Variants in PRKCE observed in about 807,000 individuals in gnomAD.
PRKCE encodes the protein protein kinase C epsilon type.
In PRKCE, 16 loss-of-function variants were observed where a neutral mutation model predicts 85.4. That is an observed-to-expected ratio of 0.19 (90% CI 0.13 to 0.28). The LOEUF (loss-of-function observed/expected upper bound fraction) is 0.28. PRKCE is among the 10% of genes least tolerant of loss of function. PRKCE has a pLI of 1.00. For missense variants in PRKCE, 573 were observed against 975.2 expected, an observed-to-expected ratio of 0.59 and a Z score of 5.49; for synonymous variants, 388 against 371.5, an observed-to-expected ratio of 1.04 and a Z score of -0.51.
intron 1 of PRKCE, among the ~76,000 whole-genome samples, chr2:45,670,961 G>T (rs1287762534): frequency 1.3e-5 from 2 of 152,184 alleles, no homozygotes; most frequent in African/African-American, 4.8e-5. Context: ...TCAGATAGTG[G>T]TGCTTCAGGG....
At chr2:45,785,850 C>G (rs569290604) in intron 1 of PRKCE, among the ~76,000 whole-genome samples, 114 of 152,284 alleles carry the variant, frequency 7.5e-4, no homozygotes, top group Non-Finnish European at 1.3e-3. Context: ...CACCAGGAGG[C>G]CAAACTCGAA....
chr2:45,687,989 G>A (rs1428392042), intron 1 of PRKCE, among the ~76,000 whole-genome samples: 2 of 152,218 alleles, frequency 1.3e-5, no homozygotes, highest in African/African-American at 2.4e-5. Flanking sequence ...CCCAGAAGAT[G>A]TGCTCCTCCC....
chr2:46,090,391 T>C (rs970706470), intron 11 of PRKCE, among the ~76,000 whole-genome samples: 2 of 152,148 alleles, frequency 1.3e-5, no homozygotes, highest in Non-Finnish European at 2.9e-5. Context: ...AGTCTCTTTA[T>C]TGTGCATTTT....
At chr2:46,083,711 C>G (rs1669317779) in intron 10 of PRKCE, among the ~76,000 whole-genome samples, 1 of 152,206 alleles carries the variant, frequency 6.6e-6, no homozygotes, top group South Asian at 2.1e-4. Flanking sequence ...TTTTCAGACT[C>G]CGCCCCAGAT....
At chr2:45,798,132 G>A (rs1687585593) in intron 1 of PRKCE, among the ~76,000 whole-genome samples, 1 of 152,144 alleles carries the variant, frequency 6.6e-6, no homozygotes. Context: ...AAGGAGCTCA[G>A]CAAAGTCGTT....
intron 1 of PRKCE, among the ~76,000 whole-genome samples, chr2:45,773,678 G>T (rs780867754): frequency 2.6e-5 from 4 of 152,212 alleles, no homozygotes; most frequent in Admixed American, 6.5e-5. Context: ...TCCCCAAGTA[G>T]GCCTTGGCCT....
chr2:45,997,503 A>G (rs1704314142), intron 6 of PRKCE, among the ~76,000 whole-genome samples: 1 of 151,624 alleles, frequency 6.6e-6, no homozygotes, highest in South Asian at 2.1e-4. Context: ...TATCCCACTA[A>G]TTTTGATGTT....
intron 1 of PRKCE, among the ~76,000 whole-genome samples, chr2:45,730,006 C>A (rs1456190890): frequency 2.0e-5 from 3 of 152,112 alleles, no homozygotes; most frequent in African/African-American, 7.2e-5. Context: ...ACAACATTGA[C>A]AAGAATGGAT....
chr2:46,083,127 T>C (rs1398350194), intron 10 of PRKCE, among the ~76,000 whole-genome samples: 2 of 152,208 alleles, frequency 1.3e-5, no homozygotes, highest in Non-Finnish European at 2.9e-5. Flanking sequence ...AATTTTGTAT[T>C]TTTTGTATAG....
At chr2:46,023,929 A>G (rs1706890566) in intron 10 of PRKCE, among the ~76,000 whole-genome samples, 1 of 152,192 alleles carries the variant, frequency 6.6e-6, no homozygotes, top group Non-Finnish European at 1.5e-5. Flanking sequence ...TTCAACTTGG[A>G]GCATTTTACA....
At chr2:45,780,672 G>A (rs1171887663) in intron 1 of PRKCE, among the ~76,000 whole-genome samples, 2 of 152,178 alleles carry the variant, frequency 1.3e-5, no homozygotes, top group African/African-American at 4.8e-5. Context: ...TCAGTTTCCA[G>A]GGGGTCACAT....
chr2:46,085,923 A>C (rs61758303), intron 10 of PRKCE, among the ~76,000 whole-genome samples: 23 of 152,298 alleles, frequency 1.5e-4, no homozygotes, highest in African/African-American at 5.3e-4. Flanking sequence ...GACAACAAAA[A>C]TCAAAGATCC....
intron 1 of PRKCE, among the ~76,000 whole-genome samples, chr2:45,801,391 GA>G (rs200381153): frequency 1.1e-5 from 1 of 94,590 alleles, no homozygotes; most frequent in Admixed American, 1.0e-4. Flanking sequence ...TGCTGTTCTG[GA>G]ATTTCAGGCC....
intron 5 of PRKCE, 36 bp from the exon 6 acceptor site, chr2:45,984,515 G>T: frequency 6.3e-7 from 1 of 1,593,900 alleles, no homozygotes; most frequent in African/African-American, 1.3e-5. Flanking sequence ...GAACTGAGGA[G>T]CTCGGTGGTG....
Position 45,693,996 on chromosome 2 carries a change from G to A in PRKCE, c.348+41548G>A, listed in dbSNP as rs567864430. 1.4e-4 allele frequency among the ~76,000 whole-genome samples: 21 copies of A among 151,970 alleles called. No individual in the cohort carries two copies. The South Asian group carries it at 4.2e-3, about 30-fold the overall frequency. ...CGACTCGTGTGGAAATGTTTAATCCGTGAGGGTCACTCTTCCAGCCACCTT... is the reference window on the plus strand; with the variant it reads ...CGACTCGTGTGGAAATGTTTAATCCATGAGGGTCACTCTTCCAGCCACCTT... On this transcript the variant is annotated intron_variant, in intron 1 of 14. Coordinates refer to ENST00000306156, the MANE Select transcript of PRKCE (RefSeq NM_005400.3).
intron 2 of PRKCE, among the ~76,000 whole-genome samples, chr2:45,944,823 A>G (rs1419990640): frequency 6.6e-6 from 1 of 151,916 alleles, no homozygotes; most frequent in Non-Finnish European, 1.5e-5. Flanking sequence ...AAAAACAAAA[A>G]CACAAAAACC....
At chr2:45,801,393 AT>A (rs36103131) in intron 1 of PRKCE, among the ~76,000 whole-genome samples, 89,246 of 151,858 alleles carry the variant, frequency 0.59, 27,908 homozygotes, top group African/African-American at 0.8. Flanking sequence ...CTGTTCTGGA[AT>A]TTCAGGCCAA....
At chr2:46,100,282 G>T (rs1671080335) in intron 11 of PRKCE, among the ~76,000 whole-genome samples, 1 of 152,160 alleles carries the variant, frequency 6.6e-6, no homozygotes, top group South Asian at 2.1e-4. Context: ...TCATTGGCTG[G>T]TGGTCCTGTG....
chr2:46,169,511 G>A (rs1279254232), intron 14 of PRKCE, among the ~76,000 whole-genome samples: 4 of 152,192 alleles, frequency 2.6e-5, no homozygotes, highest in Admixed American at 2.6e-4. Context: ...GAGTATTTCA[G>A]GTGTGAGAGC....
Sources: gnomAD v4.1 joint callset for allele counts (sites outside exome capture counted in the v4.1 genomes callset) on GRCh38, gnomAD v4.1.1 for gene constraint, MANE v1.5 for transcripts, NCBI Gene and HGNC (gene_info 2026-07-23, HGNC 2026-07-21) for gene names.